Variants in EBF1 observed in about 807,000 individuals in gnomAD.
The protein encoded by EBF1 is EBF transcription factor 1.
A neutral mutation model predicts 68.4 loss-of-function variants in EBF1; 10 were observed. That is an observed-to-expected ratio of 0.15 (90% CI 0.09 to 0.25). The LOEUF (loss-of-function observed/expected upper bound fraction) is 0.25, where lower values mean the gene tolerates loss of function less well. Among genes scored for constraint, EBF1 ranks in the 10% least tolerant of loss-of-function variants. The pLI, the probability that EBF1 is intolerant of heterozygous loss-of-function variation, is 1.00. For synonymous variants in EBF1, 298 were observed against 299.8 expected (o/e 0.99, Z 0.06); for missense variants, 509 against 794.4 (o/e 0.64, Z 4.32).
chr5:159,079,943 C>T (rs1177455737), intron 5 of EBF1, among the ~76,000 whole-genome samples: 4 of 152,036 alleles, frequency 2.6e-5, no homozygotes, highest in East Asian at 1.9e-4. Flanking sequence ...GCTCTGTATG[C>T]TCAAGCTTCT....
chr5:159,044,167 C>T (rs188543075), intron 6 of EBF1, among the ~76,000 whole-genome samples: 3 of 152,138 alleles, frequency 2.0e-5, no homozygotes, highest in Admixed American at 2.0e-4. Context: ...TATCTATTAA[C>T]CAGAATGTTT....
chr5:158,813,958 A>G (rs891691523), intron 8 of EBF1, among the ~76,000 whole-genome samples: 4 of 152,216 alleles, frequency 2.6e-5, no homozygotes, highest in Non-Finnish European at 5.9e-5. Context: ...ACAGATAAGT[A>G]TAGAGACAGC....
intron 6 of EBF1, among the ~76,000 whole-genome samples, chr5:158,982,779 G>GAT (rs147552835): frequency 3.0e-3 from 396 of 132,402 alleles, no homozygotes; most frequent in African/African-American, 8.9e-3. Flanking sequence ...TAAAGCAAAA[G>GAT]ATATATATAT....
chr5:159,075,795 C>T (rs973496161), intron 5 of EBF1, among the ~76,000 whole-genome samples: 3 of 152,202 alleles, frequency 2.0e-5, no homozygotes, highest in African/African-American at 4.8e-5. Flanking sequence ...CAACCTTCTG[C>T]CCCCTTCCTC....
In EBF1 at chr5:159,099,511, C is replaced by A. The variant is rs781187371; in HGVS notation, c.-33G>T. The A allele has an allele frequency of 5.1e-6, 7 of 1,379,942 alleles. No homozygotes were observed. The East Asian group carries it at 2.0e-4, about 39-fold the overall frequency. 85.5% of individuals were successfully genotyped at this position (1,379,942 alleles called of 1,614,324 possible). On this transcript the variant is annotated 5_prime_UTR_variant, in exon 1 of 16. Transcript: ENST00000313708. ...ACCTTTTCTTGTGGAAAATCTCCTC[C>A]CCCTTGAAAAAAATTAAAAAAAAAA...
chr5:158,815,513 A>AAAAACATTTT (rs1783544319), intron 8 of EBF1, among the ~76,000 whole-genome samples: 1 of 152,224 alleles, frequency 6.6e-6, no homozygotes, highest in Non-Finnish European at 1.5e-5. Context: ...ATAAATGCTA[A>AAAAACATTTT]TAGTTTAAAA....
chr5:158,986,773 A>G (rs1007682799), intron 6 of EBF1: 1 of 152,206 alleles, frequency 6.6e-6, no homozygotes, highest in African/African-American at 2.4e-5. Flanking sequence ...AGATTTATAT[A>G]ATCTTTGCCT....
intron 6 of EBF1, among the ~76,000 whole-genome samples, chr5:158,970,143 T>C (rs1271286079): frequency 6.6e-6 from 1 of 152,202 alleles, no homozygotes; most frequent in Non-Finnish European, 1.5e-5. Flanking sequence ...ATAAAATATT[T>C]TATCTGCCTA....
chr5:158,793,319 A>G (rs1305064823), intron 9 of EBF1, among the ~76,000 whole-genome samples: 1 of 152,196 alleles, frequency 6.6e-6, no homozygotes, highest in East Asian at 1.9e-4. Flanking sequence ...CTGATTCTGT[A>G]CAATGCAAGC....
At chr5:158,763,120 G>A (rs188725935) in intron 10 of EBF1, among the ~76,000 whole-genome samples, 18 of 152,208 alleles carry the variant, frequency 1.2e-4, no homozygotes, top group South Asian at 2.1e-4. Context: ...GAAGATCACC[G>A]AATAAAGGCA....
At position 159,099,588 on chromosome 5, in the gene EBF1, A is replaced by G. The variant is rs1395680757; in HGVS notation, c.-110T>C. The G allele has an allele frequency of 7.1e-6, 8 of 1,127,940 alleles. No homozygotes were observed. The highest frequency in any genetic ancestry group is 9.3e-6 in the Non-Finnish European group (8 of 861,334). The allele number at this position is 1,127,940 out of a possible 1,614,324, so 69.9% of individuals were successfully genotyped here. On this transcript the variant is annotated 5_prime_UTR_variant, in exon 1 of 16. Coordinates refer to ENST00000313708, the MANE Select transcript of EBF1 (RefSeq NM_024007.5). ...AAAGAAACAAAAACGCCAACCAGAG[A>G]TTTTTTTTTTTCTCAGACGATGAAC...
At chr5:158,970,359 C>A (rs1008952823) in intron 6 of EBF1, among the ~76,000 whole-genome samples, 11 of 152,080 alleles carry the variant, frequency 7.2e-5, no homozygotes, top group African/African-American at 2.7e-4. Flanking sequence ...TTTATTAAAG[C>A]CGGAAATTGC....
intron 6 of EBF1, among the ~76,000 whole-genome samples, chr5:158,878,719 C>T (rs1798265543): frequency 6.6e-6 from 1 of 150,874 alleles, no homozygotes. Flanking sequence ...TCTCAGCTCA[C>T]TGCAACCTCC....
chr5:158,718,876 A>G (rs376497717), intron 11 of EBF1, among the ~76,000 whole-genome samples: 4 of 152,110 alleles, frequency 2.6e-5, no homozygotes, highest in African/African-American at 9.7e-5. Context: ...TCTGATCTGA[A>G]GTGTGTTAGT....
intron 9 of EBF1, among the ~76,000 whole-genome samples, chr5:158,785,967 T>G (rs1010155332): frequency 6.6e-6 from 1 of 152,176 alleles, no homozygotes; most frequent in East Asian, 1.9e-4. Context: ...ATGTTTCCAG[T>G]GTTTAACAAG....
At chr5:158,827,752 A>T (rs1786508423) in intron 7 of EBF1, among the ~76,000 whole-genome samples, 1 of 152,234 alleles carries the variant, frequency 6.6e-6, no homozygotes, top group Admixed American at 6.5e-5. Context: ...ACATTAACAA[A>T]AGTAGCAGTT....
At chr5:159,061,032 T>C (rs973083741) in intron 6 of EBF1, among the ~76,000 whole-genome samples, 1 of 151,986 alleles carries the variant, frequency 6.6e-6, no homozygotes, top group African/African-American at 2.4e-5. Flanking sequence ...GTAATCACTG[T>C]AGGAAGAAGT....
chr5:158,822,924 TGAAA>T (rs1785175813), intron 8 of EBF1, among the ~76,000 whole-genome samples: 1 of 152,130 alleles, frequency 6.6e-6, no homozygotes, highest in Admixed American at 6.5e-5. Flanking sequence ...TCTCTCAACC[TGAAA>T]GGAGGCAATA....
intron 6 of EBF1, among the ~76,000 whole-genome samples, chr5:158,897,857 GA>G (rs1802473437): frequency 6.6e-6 from 1 of 152,192 alleles, no homozygotes; most frequent in South Asian, 2.1e-4. Flanking sequence ...CAACAGTGAA[GA>G]GTGGTGTGAG....
Sources: allele counts gnomAD v4.1 joint callset (sites outside exome capture counted in the v4.1 genomes callset), GRCh38; gene constraint gnomAD v4.1.1; transcripts MANE v1.5; gene names NCBI Gene and HGNC (gene_info 2026-07-23, HGNC 2026-07-21).